The following SERGEF variants were observed in gnomAD, a reference collection of about 807,000 sequenced individuals.
SERGEF encodes secretion regulating guanine nucleotide exchange factor, also known as secretion-regulating guanine nucleotide exchange factor.
SERGEF carries 51 observed loss-of-function variants against 50.0 expected under a neutral mutation model. The ratio of observed to expected loss-of-function variants is 1.02; its 90% CI spans 0.81 to 1.29. The LOEUF (loss-of-function observed/expected upper bound fraction) is 1.29. Among genes scored for constraint, SERGEF ranks in the 50% most tolerant of loss-of-function variants. SERGEF has a pLI of 0.00. For synonymous variants in SERGEF, 205 were observed against 212.4 expected (o/e 0.97, Z 0.30); for missense variants, 521 against 557.0 (o/e 0.94, Z 0.65).
intron 9 of SERGEF, among the ~76,000 whole-genome samples, chr11:17,954,949 T>C (rs1852836044): frequency 6.6e-6 from 1 of 152,204 alleles, no homozygotes; most frequent in African/African-American, 2.4e-5. Context: ...TTTCACAGCA[T>C]CATGCTGGGA....
At chr11:17,928,351 ACTCTGGGGTCACAGACC>A (rs1471573274) in intron 9 of SERGEF, among the ~76,000 whole-genome samples, 1 of 152,080 alleles carries the variant, frequency 6.6e-6, no homozygotes, top group Non-Finnish European at 1.5e-5. Flanking sequence ...AGGGCTACAA[ACTCTGGGGTCACAGACC>A]CACAGAGTCA....
chr11:18,006,776 G>A (rs371793675), intron 2 of SERGEF, 30 bp from the exon 3 acceptor site: 138 of 1,608,084 alleles, frequency 8.6e-5, no homozygotes, highest in South Asian at 8.0e-4. Context: ...CAGTGATAGC[G>A]TGCACAGGAA....
At position 17,962,140 on chromosome 11, in the gene SERGEF, T is replaced by G. The variant is rs116621428; in HGVS notation, c.845-2504A>C. On this transcript the variant is annotated intron_variant, in intron 8 of 10. Transcript: ENST00000265965. ...TGATTGCACAGCTGCTGTCCCAAAC[T>G]GACAAAACTTGGCTGATGAAATAGC... Among the ~76,000 whole-genome samples the G allele has an allele frequency of 4.4e-3, 669 of 152,276 alleles. 8 individuals are homozygous for G. Among genetic ancestry groups the G allele is most frequent in the African/African-American group, 0.015 (627 of 41,548 alleles).
At chr11:17,995,371 CA>C (rs1422646685) in intron 6 of SERGEF, among the ~76,000 whole-genome samples, 1 of 152,236 alleles carries the variant, frequency 6.6e-6, no homozygotes, top group Non-Finnish European at 1.5e-5. Flanking sequence ...AGAGAGGGTA[CA>C]TCCTCATGTC....
Position 17,888,837 on chromosome 11 carries a change from G to T in SERGEF, c.1012-10593C>A, listed in dbSNP as rs1430891041. The stretch of plus-strand genomic sequence containing the variant: ...TGATTCTAGGGTTGGGATGAGGAAA[G>T]AACAGTTTGAGCCTGGAACATGTAT... On this transcript the variant is annotated intron_variant, in intron 9 of 10. Coordinates refer to ENST00000265965, the MANE Select transcript of SERGEF (RefSeq NM_012139.4). This position sits in a 1 kb window ranked among gnomAD's most constrained non-coding sequence, Gnocchi z 4.1. Among the ~76,000 whole-genome samples, 1 of 152,162 alleles carries T rather than the reference G, an allele frequency of 6.6e-6. No homozygotes were observed. Among genetic ancestry groups the T allele is most frequent in the East Asian group, 1.9e-4 (1 of 5,202 alleles).
At chr11:17,868,485 T>A (rs1851073536) in intron 10 of SERGEF, among the ~76,000 whole-genome samples, 1 of 152,184 alleles carries the variant, frequency 6.6e-6, no homozygotes, top group African/African-American at 2.4e-5. Context: ...AACAAGTCTC[T>A]AGGGGGCTCC....
Position 17,983,315 on chromosome 11 carries a change from G to T in SERGEF, c.844+5282C>A, listed in dbSNP as rs150863967. Among the ~76,000 whole-genome samples, 164 of 152,296 alleles carry T rather than the reference G, an allele frequency of 1.1e-3. 1 individual carries two copies. In the Middle Eastern group the frequency reaches 0.017, roughly 16 times the overall value. On this transcript the variant is annotated intron_variant, in intron 8 of 10. Coordinates refer to ENST00000265965, the MANE Select transcript of SERGEF (RefSeq NM_012139.4). Reference sequence around the variant, plus strand: ...CTTGTAACCAGCATTTGTAAGCACTGATCTTTCTGCACTCTTCAGGAGAGT... The same window carrying T: ...CTTGTAACCAGCATTTGTAAGCACTTATCTTTCTGCACTCTTCAGGAGAGT...
At chr11:17,906,724 C>T (rs919007232) in intron 9 of SERGEF, among the ~76,000 whole-genome samples, 3 of 149,778 alleles carry the variant, frequency 2.0e-5, no homozygotes, top group African/African-American at 7.4e-5. Flanking sequence ...CAGTTTGTTA[C>T]AACAAATTCA....
intron 10 of SERGEF, among the ~76,000 whole-genome samples, chr11:17,870,019 G>C (rs1334745342): frequency 6.6e-6 from 1 of 152,166 alleles, no homozygotes; most frequent in Non-Finnish European, 1.5e-5. Flanking sequence ...AATCAGGGGG[G>C]CAGTTTCCCC....
chr11:17,926,494 G>A (rs537188105), intron 9 of SERGEF, among the ~76,000 whole-genome samples: 7 of 152,266 alleles, frequency 4.6e-5, no homozygotes, highest in East Asian at 1.9e-4. Context: ...TTACTCCAGC[G>A]TACCCCTGTC....
intron 9 of SERGEF, 21 bp downstream of exon 9, chr11:17,959,449 C>T (rs1241600965): frequency 3.1e-6 from 5 of 1,607,778 alleles, no homozygotes; most frequent in Non-Finnish European, 4.3e-6. Context: ...CAGATTACAT[C>T]TGTGAGAAGT....
chr11:17,946,548 C>T (rs947923288), intron 9 of SERGEF, among the ~76,000 whole-genome samples: 2 of 152,112 alleles, frequency 1.3e-5, no homozygotes, highest in Non-Finnish European at 2.9e-5. Context: ...TTGTAAGGCA[C>T]GGGGAAATTA....
intron 1 of SERGEF, 84 bp from the exon 2 acceptor site, chr11:18,008,160 T>G: frequency 7.2e-7 from 1 of 1,393,866 alleles, no homozygotes; most frequent in Non-Finnish European, 9.9e-7. Context: ...TCTCTCACCC[T>G]GACGTATCTC....
At chr11:17,871,400 G>C (rs1394419949) in intron 10 of SERGEF, among the ~76,000 whole-genome samples, 2 of 148,052 alleles carry the variant, frequency 1.4e-5, no homozygotes, top group Non-Finnish European at 3.0e-5. Context: ...GGCGGAGCTT[G>C]CAGTGAACTG....
At chr11:17,830,333 A>G (rs968451792) in intron 10 of SERGEF, among the ~76,000 whole-genome samples, 20 of 152,300 alleles carry the variant, frequency 1.3e-4, no homozygotes, top group South Asian at 4.2e-4. Context: ...CCTTTCCTGG[A>G]GCTATTCATT....
chr11:17,894,062 G>A (rs561976758), intron 9 of SERGEF, among the ~76,000 whole-genome samples: 65 of 152,196 alleles, frequency 4.3e-4, no homozygotes, highest in African/African-American at 1.3e-3. Context: ...CCACATTGCC[G>A]AAGTCCAAAT....
intron 9 of SERGEF, among the ~76,000 whole-genome samples, chr11:17,931,259 C>T (rs1031024169): frequency 6.6e-6 from 1 of 152,156 alleles, no homozygotes; most frequent in South Asian, 2.1e-4. Flanking sequence ...ACAGCAATAT[C>T]TATAATGAAT....
intron 8 of SERGEF, 77 bp downstream of exon 8, chr11:17,988,520 C>A: frequency 6.9e-7 from 1 of 1,454,006 alleles, no homozygotes; most frequent in Non-Finnish European, 9.5e-7. Context: ...AAGGCTTAAC[C>A]CCAAGCACTC....
intron 10 of SERGEF, among the ~76,000 whole-genome samples, chr11:17,795,598 T>A (rs748641384): frequency 1.3e-5 from 2 of 152,154 alleles, no homozygotes; most frequent in Non-Finnish European, 2.9e-5. Flanking sequence ...TCACCCCTGT[T>A]CCCCAACTCA....
Sources: gnomAD v4.1 joint callset for allele counts (sites outside exome capture counted in the v4.1 genomes callset) on GRCh38, gnomAD v4.1.1 for gene constraint, Gnocchi (gnomAD v3.1) non-coding constraint, MANE v1.5 for transcripts, NCBI Gene and HGNC (gene_info 2026-07-23, HGNC 2026-07-21) for gene names.